Variants in DIP2C observed in about 807,000 individuals in gnomAD.
DIP2C encodes disco-interacting protein 2 homolog C.
Under a neutral mutation model 192.4 loss-of-function variants are expected in DIP2C, and 33 were observed. The observed-to-expected ratio is 0.17, with a 90% CI of 0.13 to 0.23. DIP2C has a LOEUF of 0.23. Among genes scored for constraint, DIP2C ranks in the 10% least tolerant of loss-of-function variants. DIP2C has a pLI of 1.00. For missense variants in DIP2C, 1,537 were observed against 2,110.1 expected (o/e 0.73, Z 5.32); for synonymous variants, 979 against 864.1 (o/e 1.13, Z -2.33).
chr10:547,931 C>T (rs1337750914), intron 1 of DIP2C, among the ~76,000 whole-genome samples: 3 of 152,194 alleles, frequency 2.0e-5, no homozygotes, highest in Non-Finnish European at 2.9e-5. Context: ...ACCCTTATCT[C>T]TCATTTCCAC....
At chr10:510,218 G>A (rs1288441116) in intron 1 of DIP2C, among the ~76,000 whole-genome samples, 2 of 152,168 alleles carry the variant, frequency 1.3e-5, no homozygotes, top group Non-Finnish European at 2.9e-5. Flanking sequence ...AAATCTATGT[G>A]GGGCAGTTGT....
chr10:433,635 C>T (rs1051181215), intron 4 of DIP2C, among the ~76,000 whole-genome samples: 29 of 152,176 alleles, frequency 1.9e-4, no homozygotes, highest in African/African-American at 6.5e-4. Flanking sequence ...GAGATAAGAT[C>T]GGGCTATTGC....
intron 17 of DIP2C, among the ~76,000 whole-genome samples, chr10:379,705 T>G (rs1962152649): frequency 1.3e-5 from 2 of 152,264 alleles, no homozygotes; most frequent in East Asian, 3.8e-4. Flanking sequence ...ATCTGCAATT[T>G]TATTTGCATT....
intron 31 of DIP2C, chr10:324,996 T>G: frequency 3.8e-6 from 2 of 528,278 alleles, no homozygotes; most frequent in Non-Finnish European, 3.9e-6. Flanking sequence ...CTGGGCGTGG[T>G]GGCTCATGCC....
chr10:304,743 T>C (rs1564529383), intron 32 of DIP2C, among the ~76,000 whole-genome samples: 1 of 83,544 alleles, frequency 1.2e-5, no homozygotes, highest in African/African-American at 4.1e-5. Context: ...GTAACATACT[T>C]ACACACACAT....
At chr10:336,649 G>C (rs1027010238) in intron 29 of DIP2C, among the ~76,000 whole-genome samples, 12 of 151,996 alleles carry the variant, frequency 7.9e-5, no homozygotes, top group Admixed American at 7.2e-4. Context: ...TTATAAAAAA[G>C]AAAGTAAATT....
At chr10:568,974 C>T (rs896533361) in intron 1 of DIP2C, among the ~76,000 whole-genome samples, 22 of 151,960 alleles carry the variant, frequency 1.4e-4, no homozygotes, top group African/African-American at 5.1e-4. Flanking sequence ...CCAGAGCTTT[C>T]AAAGTTTGTT....
intron 1 of DIP2C, among the ~76,000 whole-genome samples, chr10:638,809 C>T (rs552572101): frequency 4.2e-4 from 64 of 152,356 alleles, no homozygotes; most frequent in Non-Finnish European, 7.2e-4. Flanking sequence ...TTTAAAATCA[C>T]GGGAGCACTG....
chr10:389,301 A>C (rs1281916959), intron 13 of DIP2C, among the ~76,000 whole-genome samples: 1 of 151,958 alleles, frequency 6.6e-6, no homozygotes, highest in Admixed American at 6.6e-5. Flanking sequence ...TCAGGCCACC[A>C]ATGGGGGGAG....
intron 1 of DIP2C, among the ~76,000 whole-genome samples, chr10:580,941 G>C (rs188420323): frequency 6.6e-6 from 1 of 152,150 alleles, no homozygotes; most frequent in East Asian, 1.9e-4. Context: ...TTAGAAGTGT[G>C]TCCTCATGTT....
intron 3 of DIP2C, among the ~76,000 whole-genome samples, chr10:472,100 A>G (rs1261992540): frequency 6.6e-6 from 1 of 152,206 alleles, no homozygotes; most frequent in African/African-American, 2.4e-5. Context: ...AAAACAAATC[A>G]CTGATGGTAA....
At chr10:564,612 C>T (rs770880044) in intron 1 of DIP2C, among the ~76,000 whole-genome samples, 19 of 147,838 alleles carry the variant, frequency 1.3e-4, no homozygotes, top group Non-Finnish European at 2.7e-4. Flanking sequence ...TGCCTGTCTC[C>T]TTTTGACCTC....
chr10:353,008 G>A (rs1023336517), intron 24 of DIP2C, among the ~76,000 whole-genome samples: 12 of 152,128 alleles, frequency 7.9e-5, no homozygotes, highest in Admixed American at 2.0e-4. Flanking sequence ...ATTCACCGCA[G>A]GTGACAGTCG....
In DIP2C at chr10:511,890, G is replaced by A. The variant is rs149347299; in HGVS notation, c.86-25360C>T. ...TTAACCTGTGTGACACGATAACACCGTGTATATCTGTCCTTTACTGTCTGT... is the reference window on the plus strand; with the variant it reads ...TTAACCTGTGTGACACGATAACACCATGTATATCTGTCCTTTACTGTCTGT... On this transcript the variant is annotated intron_variant, in intron 1 of 36. Transcript: ENST00000280886. Among the ~76,000 whole-genome samples the A allele has an allele frequency of 2.5e-3, 388 of 152,334 alleles. 1 individual carries two copies. The highest frequency in any genetic ancestry group is 7.6e-3 in the African/African-American group (315 of 41,562).
intron 17 of DIP2C, chr10:370,188 A>C (rs943902084): frequency 2.0e-5 from 9 of 444,720 alleles, no homozygotes; most frequent in Non-Finnish European, 2.7e-5. Flanking sequence ...GTGGCTGCCA[A>C]GTTCTAAGGA....
chr10:548,210 C>CCCCACCCCA (rs1175137145), intron 1 of DIP2C, among the ~76,000 whole-genome samples: 1 of 103,540 alleles, frequency 9.7e-6, no homozygotes, highest in African/African-American at 3.4e-5. Context: ...TCTGCCCCAC[C>CCCCACCCCA]CCCCCCCCCA....
intron 1 of DIP2C, among the ~76,000 whole-genome samples, chr10:606,486 A>G (rs538894309): frequency 1.1e-3 from 169 of 151,104 alleles, no homozygotes; most frequent in African/African-American, 3.8e-3. Flanking sequence ...TGTGATCTGA[A>G]TTCTCATTGG....
At chr10:598,212 A>G (rs12217634) in intron 1 of DIP2C, among the ~76,000 whole-genome samples, 35,719 of 151,984 alleles carry the variant, frequency 0.24, 6,313 homozygotes, top group African/African-American at 0.48. Flanking sequence ...GGCCACCACC[A>G]AGGGCCACGA....
intron 32 of DIP2C, among the ~76,000 whole-genome samples, chr10:300,640 G>A (rs938548957): frequency 2.7e-5 from 4 of 149,398 alleles, no homozygotes; most frequent in African/African-American, 4.9e-5. Flanking sequence ...GGCCCTGAGC[G>A]TGTGGAGAAG....
Sources: allele counts gnomAD v4.1 joint callset (sites outside exome capture counted in the v4.1 genomes callset), GRCh38; gene constraint gnomAD v4.1.1; transcripts MANE v1.5; gene names NCBI Gene and HGNC (gene_info 2026-07-23, HGNC 2026-07-21).